Variants in P3H2 observed in about 807,000 individuals in gnomAD.
P3H2 encodes the protein prolyl 3-hydroxylase 2.
A neutral mutation model predicts 87.0 loss-of-function variants in P3H2; 80 were observed. The observed-to-expected ratio is 0.92, with a 90% CI of 0.77 to 1.11. The LOEUF is 1.11. Among genes scored for constraint, P3H2 ranks in the 50% least tolerant of loss-of-function variants. The probability of loss-of-function intolerance (pLI) is 0.00; values close to 1 mark genes in which losing one functional copy is unlikely to be tolerated. For synonymous variants in P3H2, 367 were observed against 359.3 expected, an observed-to-expected ratio of 1.02 and a Z score of -0.24; for missense variants, 1,001 against 923.9, an observed-to-expected ratio of 1.08 and a Z score of -1.08.
At chr3:190,121,902 G>A (rs1302652280), upstream of P3H2, among the ~76,000 whole-genome samples, 1 of 152,108 alleles carries the variant, frequency 6.6e-6, no homozygotes, top group East Asian at 1.9e-4. Flanking sequence ...GACCAGCCTG[G>A]CCACCATGGC....
intron 1 of P3H2, among the ~76,000 whole-genome samples, chr3:190,042,721 T>G (rs901137279): frequency 1.3e-5 from 2 of 152,218 alleles, no homozygotes; most frequent in South Asian, 4.1e-4. Flanking sequence ...TACATTGGCA[T>G]AGTTACTATT....
At chr3:190,111,897 T>C (rs917125831) in intron 1 of P3H2, among the ~76,000 whole-genome samples, 5 of 152,190 alleles carry the variant, frequency 3.3e-5, no homozygotes, top group African/African-American at 1.2e-4. Flanking sequence ...GCCACTTCTA[T>C]TCACAGGAAT....
At chr3:189,992,371 C>T (rs908157696) in intron 3 of P3H2, among the ~76,000 whole-genome samples, 1 of 152,178 alleles carries the variant, frequency 6.6e-6, no homozygotes, top group Non-Finnish European at 1.5e-5. Flanking sequence ...GCTAGGATTA[C>T]AGGCATGAGC....
intron 1 of P3H2, among the ~76,000 whole-genome samples, chr3:190,057,521 G>C (rs976491041): frequency 6.6e-6 from 1 of 152,090 alleles, no homozygotes; most frequent in African/African-American, 2.4e-5. Flanking sequence ...TAGTTCCCTG[G>C]AAACAGAATC....
chr3:190,026,883 G>A (rs551256622), intron 1 of P3H2, among the ~76,000 whole-genome samples: 7 of 152,268 alleles, frequency 4.6e-5, no homozygotes, highest in Middle Eastern at 3.4e-3. Flanking sequence ...TGCGAAGTGT[G>A]TAGTATTTAT....
Position 189,970,848 on chromosome 3 carries a change from T to C in P3H2, c.1861A>G (p.Ile621Val), listed in dbSNP as rs1439075333. The C allele has an allele frequency of 1.3e-6, 2 of 1,591,932 alleles. No individual in the cohort carries two copies. Among genetic ancestry groups the C allele is most frequent in the Non-Finnish European group, 1.7e-6 (2 of 1,159,922 alleles). The change falls in exon 13 of 15, where the codon ATA (isoleucine) becomes GTA (valine). Residue 621 changes from isoleucine to valine, a missense_variant. Coordinates refer to ENST00000319332, the MANE Select transcript of P3H2 (RefSeq NM_018192.4). ...MNDDFEGGEF[I>V]FTEMDAKTVT... is the part of the protein sequence containing the mutation. Reference sequence around the variant, plus strand: ...GTCTTAGCATCCATCTCTGTGAATATGAATTCTCCTCCTTCAAAGTCATCA... The same window carrying C: ...GTCTTAGCATCCATCTCTGTGAATACGAATTCTCCTCCTTCAAAGTCATCA...
chr3:190,117,432 C>T (rs936884325), intron 1 of P3H2, among the ~76,000 whole-genome samples: 3 of 152,192 alleles, frequency 2.0e-5, no homozygotes, highest in African/African-American at 7.2e-5. Flanking sequence ...CTTTATGAAG[C>T]ATTCCAGTCC....
intron 1 of P3H2, among the ~76,000 whole-genome samples, chr3:190,115,147 T>G (rs550951582): frequency 7.2e-5 from 11 of 152,222 alleles, no homozygotes; most frequent in Admixed American, 2.6e-4. Flanking sequence ...TGTAATTGTG[T>G]CTTTATTTTT....
intron 1 of P3H2, among the ~76,000 whole-genome samples, chr3:190,047,012 A>C (rs1160091997): frequency 2.1e-5 from 3 of 146,310 alleles, no homozygotes; most frequent in Non-Finnish European, 1.5e-5. Context: ...AATAACTAGA[A>C]TATATAAGAA....
At chr3:190,055,155 C>G (rs759867418) in intron 1 of P3H2, among the ~76,000 whole-genome samples, 1 of 151,746 alleles carries the variant, frequency 6.6e-6, no homozygotes, top group Non-Finnish European at 1.5e-5. Flanking sequence ...AAGGAGACCA[C>G]TGACCCCTGT....
intron 1 of P3H2, among the ~76,000 whole-genome samples, chr3:190,107,428 T>G (rs1711890281): frequency 6.6e-6 from 1 of 152,204 alleles, no homozygotes; most frequent in Non-Finnish European, 1.5e-5. Context: ...GATTTTAATT[T>G]CTCTATTTTC....
intron 1 of P3H2, among the ~76,000 whole-genome samples, chr3:190,108,903 G>A (rs994739424): frequency 2.0e-5 from 3 of 152,168 alleles, no homozygotes; most frequent in Non-Finnish European, 2.9e-5. Context: ...TGTTGTACAC[G>A]TGGAATTTCT....
At chr3:189,985,054 C>T (rs563765069) in intron 6 of P3H2, among the ~76,000 whole-genome samples, 23 of 150,940 alleles carry the variant, frequency 1.5e-4, no homozygotes, top group Admixed American at 1.1e-3. Flanking sequence ...AAGTAAGGCC[C>T]GATATAAATA....
At chr3:190,115,161 C>G (rs992826989) in intron 1 of P3H2, among the ~76,000 whole-genome samples, 1 of 152,106 alleles carries the variant, frequency 6.6e-6, no homozygotes, top group Non-Finnish European at 1.5e-5. Context: ...TATTTTTCCC[C>G]TTCCTTTTAA....
In P3H2 at chr3:189,994,340, A is replaced by G; in HGVS notation, c.634-57T>C. 3 of 1,461,172 alleles carry G rather than the reference A, an allele frequency of 2.1e-6. No individual in the cohort carries two copies. The South Asian group carries it at 3.4e-5, about 17-fold the overall frequency. 90.5% of individuals were successfully genotyped at this position (1,461,172 alleles called of 1,614,324 possible). ...AACAAACAAACAAACAAACAAAAAAACCCTTATTTTCAAAGAGAAGGGTTT... is the reference window on the plus strand; with the variant it reads ...AACAAACAAACAAACAAACAAAAAAGCCCTTATTTTCAAAGAGAAGGGTTT... On this transcript the variant is annotated intron_variant, in intron 2 of 14. Transcript: ENST00000319332.
intron 8 of P3H2, among the ~76,000 whole-genome samples, chr3:189,977,767 A>ATT (rs11361845): frequency 6.9e-6 from 1 of 144,358 alleles, no homozygotes; most frequent in Non-Finnish European, 1.5e-5. Context: ...TGCCTAGTTT[A>ATT]TTTTTTTTTT....
At chr3:190,062,122 G>A (rs568405822) in intron 1 of P3H2, among the ~76,000 whole-genome samples, 10 of 152,114 alleles carry the variant, frequency 6.6e-5, no homozygotes, top group Admixed American at 2.0e-4. Context: ...TTCTCCCCTA[G>A]CCTTCTTAAT....
intron 1 of P3H2, among the ~76,000 whole-genome samples, chr3:190,059,375 A>G (rs547825501): frequency 6.6e-6 from 1 of 152,226 alleles, no homozygotes; most frequent in Non-Finnish European, 1.5e-5. Flanking sequence ...GCACAGCTGC[A>G]CCGAGAGGTA....
chr3:189,969,300 C>A, intron 13 of P3H2: 1 of 912,988 alleles, frequency 1.1e-6, no homozygotes, highest in South Asian at 1.3e-5. Context: ...CATCCACCCC[C>A]CAGGTGCAGA....
Sources: gnomAD v4.1 joint callset for allele counts (sites outside exome capture counted in the v4.1 genomes callset) on GRCh38, gnomAD v4.1.1 for gene constraint, MANE v1.5 for transcripts, NCBI Gene and HGNC (gene_info 2026-07-23, HGNC 2026-07-21) for gene names.